Variants in DACH2 observed in about 807,000 individuals in gnomAD.
The protein encoded by DACH2 is dachshund family transcription factor 2.
DACH2 carries 17 observed loss-of-function variants against 35.8 expected under a neutral mutation model. That is an observed-to-expected ratio of 0.48 (90% confidence interval 0.33 to 0.71). The LOEUF is 0.71. DACH2 is among the 30% of genes least tolerant of loss of function. DACH2 has a pLI of 0.02. For missense variants in DACH2, 469 were observed against 472.7 expected (o/e 0.99, Z 0.07); for synonymous variants, 195 against 177.3 (o/e 1.10, Z -0.79).
chrX:86,546,326 C>G (rs1234392092), intron 3 of DACH2, among the ~76,000 whole-genome samples: 2 of 90,904 alleles, frequency 2.2e-5, no homozygotes, highest in East Asian at 7.1e-4. Flanking sequence ...CCTCTTTCTT[C>G]TTCTTCTTCT....
chrX:86,385,644 G>A (rs1440532631), intron 2 of DACH2, among the ~76,000 whole-genome samples: 3 of 110,845 alleles, frequency 2.7e-5, no homozygotes, highest in Non-Finnish European at 5.7e-5. Context: ...ATCTTTGGGG[G>A]TCCTGGAACC....
intron 1 of DACH2, among the ~76,000 whole-genome samples, chrX:86,217,775 T>C (rs1382555969): frequency 8.9e-6 from 1 of 111,951 alleles, no homozygotes. Flanking sequence ...TATTTTATCA[T>C]TAATAACATT....
chrX:86,244,160 C>T (rs2033228830), intron 1 of DACH2, among the ~76,000 whole-genome samples: 1 of 111,123 alleles, frequency 9.0e-6, no homozygotes, highest in South Asian at 3.8e-4. Context: ...TTAATAGGTC[C>T]TAAGTGAAGC....
intron 2 of DACH2, among the ~76,000 whole-genome samples, chrX:86,443,273 T>A (rs758599568): frequency 9.0e-6 from 1 of 111,656 alleles, no homozygotes; most frequent in African/African-American, 3.2e-5. Context: ...GAGACCTTTA[T>A]CCCCATTGAT....
chrX:86,160,417 G>T, intron 1 of DACH2: 1 of 553,662 alleles, frequency 1.8e-6, no homozygotes, highest in Non-Finnish European at 3.2e-6. Context: ...CCATATCAAT[G>T]ATGGCAGCAT....
At chrX:86,487,054 G>C (rs1225536332) in intron 2 of DACH2, among the ~76,000 whole-genome samples, 1 of 111,474 alleles carries the variant, frequency 9.0e-6, no homozygotes, top group Admixed American at 9.6e-5. Context: ...CTTCTCTAAA[G>C]GGACCAGAAT....
intron 3 of DACH2, among the ~76,000 whole-genome samples, chrX:86,608,233 G>A (rs1388250873): frequency 9.0e-6 from 1 of 111,363 alleles, no homozygotes; most frequent in Non-Finnish European, 1.9e-5. Context: ...TCTCACACCA[G>A]TTAGAATGGC....
chrX:86,755,179 C>A (rs1406408789), intron 7 of DACH2, among the ~76,000 whole-genome samples: 1 of 111,611 alleles, frequency 9.0e-6, no homozygotes, highest in Non-Finnish European at 1.9e-5. Flanking sequence ...TGATGTTGAA[C>A]ATTTTTTTCA....
At chrX:86,564,994 G>A (rs1171187702) in intron 3 of DACH2, among the ~76,000 whole-genome samples, 2 of 111,078 alleles carry the variant, frequency 1.8e-5, no homozygotes, top group Admixed American at 1.9e-4. Flanking sequence ...CCTCTATGTA[G>A]TCAGACACAC....
At chrX:86,655,854 T>C (rs1244836302) in intron 4 of DACH2, among the ~76,000 whole-genome samples, 2 of 111,303 alleles carry the variant, frequency 1.8e-5, no homozygotes, top group African/African-American at 6.5e-5. Context: ...AAAGATTCAA[T>C]TGTAGGATGT....
intron 1 of DACH2, among the ~76,000 whole-genome samples, chrX:86,171,520 T>G (rs1036016470): frequency 1.8e-5 from 2 of 111,628 alleles, no homozygotes; most frequent in African/African-American, 3.3e-5. Context: ...ATGGCTCAAG[T>G]TTGGACAGCT....
chrX:86,209,307 C>T (rs1206525302), intron 1 of DACH2, among the ~76,000 whole-genome samples: 4 of 111,260 alleles, frequency 3.6e-5, no homozygotes, highest in East Asian at 2.8e-4. Context: ...TTCCATGGTA[C>T]GTTAAAGGGA....
intron 4 of DACH2, among the ~76,000 whole-genome samples, chrX:86,667,511 AAG>A (rs1429433302): frequency 1.3e-3 from 69 of 54,872 alleles, no homozygotes; most frequent in African/African-American, 5.4e-3. Context: ...GAAAGAAAGA[AAG>A]AAAGAAAGAA....
chrX:86,294,705 T>A (rs2034402584), intron 1 of DACH2, among the ~76,000 whole-genome samples: 2 of 110,377 alleles, frequency 1.8e-5, no homozygotes, highest in Non-Finnish European at 3.8e-5. Flanking sequence ...TTGCCCCTGC[T>A]GGGGGGTGCC....
At chrX:86,367,010 A>AT (rs199666829) in intron 1 of DACH2, among the ~76,000 whole-genome samples, 2,850 of 110,362 alleles carry the variant, frequency 0.026, 48 homozygotes, top group Non-Finnish European at 0.041. Flanking sequence ...AATGCACCAT[A>AT]TTTTTTTTAA....
intron 3 of DACH2, among the ~76,000 whole-genome samples, chrX:86,587,298 C>T (rs1263171625): frequency 1.8e-5 from 2 of 111,673 alleles, no homozygotes; most frequent in African/African-American, 6.5e-5. Context: ...TTTTTCAGAA[C>T]AAGAAGCTTT....
intron 1 of DACH2, among the ~76,000 whole-genome samples, chrX:86,236,223 G>A (rs1471154710): frequency 1.8e-5 from 2 of 112,106 alleles, no homozygotes; most frequent in Admixed American, 1.9e-4. Context: ...TAATGGTTTT[G>A]CTTGTTTGAC....
chrX:86,346,773 G>A (rs953403507), intron 1 of DACH2, among the ~76,000 whole-genome samples: 21 of 111,486 alleles, frequency 1.9e-4, no homozygotes, highest in African/African-American at 5.2e-4. Context: ...GAAACCTTAC[G>A]GAAGAAATGT....
intron 2 of DACH2, among the ~76,000 whole-genome samples, chrX:86,421,308 CATGTT>C (rs1188007846): frequency 2.7e-5 from 3 of 111,365 alleles, no homozygotes; most frequent in African/African-American, 9.8e-5. Flanking sequence ...TGGTTTAACT[CATGTT>C]ATCTCATTTG....
Sources: gnomAD v4.1 joint callset for allele counts (sites outside exome capture counted in the v4.1 genomes callset) on GRCh38, gnomAD v4.1.1 for gene constraint, MANE v1.5 for transcripts, NCBI Gene and HGNC (gene_info 2026-07-23, HGNC 2026-07-21) for gene names.